Variants in MAP4K4 observed in about 807,000 individuals in gnomAD.
MAP4K4 encodes the protein HPK/GCK-like kinase HGK.
MAP4K4 carries 38 observed loss-of-function variants against 189.6 expected under a neutral mutation model. The ratio of observed to expected loss-of-function variants is 0.20; its 90% CI spans 0.15 to 0.26. The LOEUF (loss-of-function observed/expected upper bound fraction) is 0.26, where lower values mean the gene tolerates loss of function less well. Among genes scored for constraint, MAP4K4 ranks in the 10% least tolerant of loss-of-function variants. MAP4K4 has a pLI of 1.00. For missense variants in MAP4K4, 1,054 were observed against 1,726.9 expected, an observed-to-expected ratio of 0.61 and a Z score of 6.91; for synonymous variants, 610 against 624.3, an observed-to-expected ratio of 0.98 and a Z score of 0.34.
chr2:101,805,430 A>G (rs1433891135), intron 3 of MAP4K4, among the ~76,000 whole-genome samples: 1 of 152,208 alleles, frequency 6.6e-6, no homozygotes, highest in African/African-American at 2.4e-5. Context: ...ATGGCTGCTT[A>G]TAGGGAGAGC....
Position 101,732,380 on chromosome 2 carries a change from G to C in MAP4K4, c.123+33842G>C, listed in dbSNP as rs182987334. On this transcript the variant is annotated intron_variant, in intron 2 of 32. Coordinates refer to ENST00000324219, the Ensembl canonical transcript of MAP4K4. ...TCAGAGAAAGTGGTTTTACCATCTC[G>C]AGGTGAGTAATGTTTAAAGTTTTAG... is the stretch of plus-strand genomic sequence containing the variant. Among the ~76,000 whole-genome samples, 494 of 152,266 alleles carry C rather than the reference G, an allele frequency of 3.2e-3. 2 individuals carry two copies. Among genetic ancestry groups the C allele is most frequent in the African/African-American group, 0.012 (479 of 41,548 alleles).
chr2:101,795,146 G>A (rs1163152744), intron 3 of MAP4K4, among the ~76,000 whole-genome samples: 2 of 152,128 alleles, frequency 1.3e-5, no homozygotes, highest in Admixed American at 6.5e-5. Context: ...GACTGCCAGC[G>A]TTCTCCACCA....
intron 24 of MAP4K4, 66 bp downstream of exon 24, chr2:101,871,751 G>A (rs1051654789): frequency 1.4e-6 from 2 of 1,430,512 alleles, no homozygotes; most frequent in African/African-American, 1.4e-5. Context: ...GAGTTAGTTT[G>A]CAAAGGAGAC....
At chr2:101,870,752 G>A (rs906005460) in intron 23 of MAP4K4, 1 of 216,112 alleles carries the variant, frequency 4.6e-6, no homozygotes, top group Non-Finnish European at 9.4e-6. Flanking sequence ...CAGGTCTGGA[G>A]TCTGGCAGAG....
intron 2 of MAP4K4, among the ~76,000 whole-genome samples, chr2:101,780,178 C>A (rs767228221): frequency 2.2e-4 from 34 of 152,092 alleles, no homozygotes; most frequent in Non-Finnish European, 1.5e-4. Context: ...CAGTTTGAAA[C>A]CTTAATTGAA....
intron 2 of MAP4K4, among the ~76,000 whole-genome samples, chr2:101,785,995 T>A (rs1018202777): frequency 2.6e-5 from 4 of 152,012 alleles, no homozygotes; most frequent in African/African-American, 9.7e-5. Context: ...CTGGCTGATT[T>A]TTGTATTTTT....
intron 26 of MAP4K4, among the ~76,000 whole-genome samples, chr2:101,875,478 C>T (rs565739386): frequency 6.6e-6 from 1 of 152,070 alleles, no homozygotes; most frequent in African/African-American, 2.4e-5. Flanking sequence ...TCTATAAGGA[C>T]CAGGCATGAA....
chr2:101,864,456 T>C (rs2097761304), intron 17 of MAP4K4, among the ~76,000 whole-genome samples: 1 of 152,238 alleles, frequency 6.6e-6, no homozygotes, highest in African/African-American at 2.4e-5. Context: ...GGATTTTGTT[T>C]TGTTTTTGTG....
intron 2 of MAP4K4, among the ~76,000 whole-genome samples, chr2:101,759,490 CCTCTCCTCCCCT>C (rs1205819303): frequency 1.5e-5 from 1 of 66,726 alleles, no homozygotes; most frequent in Non-Finnish European, 3.0e-5. Context: ...CCTCCCCTCC[CCTCTCCTCCCCT>C]CTCCCCTCCC....
chr2:101,724,414 A>T (rs2054059063), intron 2 of MAP4K4, among the ~76,000 whole-genome samples: 1 of 152,130 alleles, frequency 6.6e-6, no homozygotes, highest in Admixed American at 6.5e-5. Context: ...AAAAGGAGGG[A>T]TGGGTCAGTA....
At chr2:101,698,841 T>C (rs1053769442) in intron 2 of MAP4K4, among the ~76,000 whole-genome samples, 2 of 152,186 alleles carry the variant, frequency 1.3e-5, no homozygotes, top group Non-Finnish European at 2.9e-5. Context: ...ATTTTTTCTT[T>C]TTTTCCCCAA....
In MAP4K4 at chr2:101,799,925, G is replaced by A. The variant is rs188205218; in HGVS notation, c.180+9149G>A. Among the ~76,000 whole-genome samples, 9 of 151,996 alleles carry A rather than the reference G, an allele frequency of 5.9e-5. No individual in the cohort carries two copies. In the South Asian group the frequency reaches 6.2e-4, roughly 11 times the overall value. On this transcript the variant is annotated intron_variant, in intron 3 of 32. Transcript: ENST00000324219. ...TGCCGATTCTTCTGCTATTTTAATC[G>A]TTAGCTAGAGAACAGTGGCCACATG...
In MAP4K4 at chr2:101,871,778, C is replaced by CCCCTT; in HGVS notation, c.2952+102_2952+106dup. The CCCCTT allele has an allele frequency of 4.3e-6, 5 of 1,168,348 alleles. No homozygotes were observed. In the South Asian group the frequency reaches 7.8e-5, roughly 18 times the overall value. The allele number at this position is 1,168,348 out of a possible 1,614,324, so 72.4% of individuals were successfully genotyped here. ...AAAGGAGACCTTTCCAACACCCTCACCCCTTCCCTTCCCACCCTGCTTTCT... is the reference window on the plus strand; with the variant it reads ...AAAGGAGACCTTTCCAACACCCTCACCCCTTCCCTTCCCTTCCCACCCTGCTTTCT... On this transcript the variant is annotated intron_variant, in intron 24 of 32. Transcript: ENST00000324219.
At chr2:101,885,039 T>G (rs1330843452) in intron 28 of MAP4K4, 148 bp from the exon 29 acceptor site, 1 of 476,316 alleles carries the variant, frequency 2.1e-6, no homozygotes, top group Non-Finnish European at 3.8e-6. Flanking sequence ...TGAGGTGTGA[T>G]CTCTCTCTCT....
intron 2 of MAP4K4, among the ~76,000 whole-genome samples, chr2:101,773,347 C>A (rs1370728139): frequency 8.5e-5 from 13 of 152,216 alleles, no homozygotes; most frequent in African/African-American, 2.9e-4. Context: ...TGTTGAGGGG[C>A]CTCTCACTGA....
chr2:101,709,769 T>A (rs2044383611), intron 2 of MAP4K4, among the ~76,000 whole-genome samples: 1 of 152,164 alleles, frequency 6.6e-6, no homozygotes, highest in African/African-American at 2.4e-5. Context: ...GAAGGATGTA[T>A]CCCAAGTTAA....
At chr2:101,809,145 A>T (rs939519098) in intron 3 of MAP4K4, among the ~76,000 whole-genome samples, 1 of 152,138 alleles carries the variant, frequency 6.6e-6, no homozygotes, top group African/African-American at 2.4e-5. Context: ...ACTTCATGTA[A>T]CTTTTTTCTA....
exon 33 of MAP4K4, chr2:101,893,081 T>G (rs2098593238): frequency 2.2e-6 from 1 of 456,356 alleles, no homozygotes; most frequent in Non-Finnish European, 4.4e-6. Flanking sequence ...CAGCAGCCAT[T>G]TGTACCTGTT....
intron 2 of MAP4K4, among the ~76,000 whole-genome samples, chr2:101,762,241 G>T (rs1478505481): frequency 5.9e-5 from 9 of 152,154 alleles, no homozygotes; most frequent in African/African-American, 1.9e-4. Context: ...AAAATGTCTG[G>T]AAGAAATCCT....
Sources: allele counts gnomAD v4.1 joint callset (sites outside exome capture counted in the v4.1 genomes callset), GRCh38; gene constraint gnomAD v4.1.1; transcripts MANE v1.5; gene names NCBI Gene and HGNC (gene_info 2026-07-23, HGNC 2026-07-21).